Variants in DISP1 observed in about 807,000 individuals in gnomAD.
The protein encoded by DISP1 is dispatched RND transporter family member 1, also known as protein dispatched homolog 1.
Under a neutral mutation model 37.3 loss-of-function variants are expected in DISP1, and 30 were observed. That is an observed-to-expected ratio of 0.80 (90% CI 0.60 to 1.09). DISP1 has a LOEUF of 1.09. DISP1 is among the 50% of genes least tolerant of loss of function. The pLI is 0.00. For synonymous variants in DISP1, 634 were observed against 690.2 expected, an observed-to-expected ratio of 0.92 and a Z score of 1.28; for missense variants, 1,598 against 1,879.5, an observed-to-expected ratio of 0.85 and a Z score of 2.77.
intron 3 of DISP1, among the ~76,000 whole-genome samples, chr1:222,944,864 C>T (rs1674650449): frequency 6.6e-6 from 1 of 152,208 alleles, no homozygotes; most frequent in Non-Finnish European, 1.5e-5. Context: ...GTAACAAATT[C>T]ACTTCTGATT....
intron 3 of DISP1, among the ~76,000 whole-genome samples, chr1:222,949,486 C>A (rs571289322): frequency 2.0e-5 from 3 of 151,816 alleles, no homozygotes; most frequent in Non-Finnish European, 4.4e-5. Context: ...TAGCTTAAAT[C>A]GATTTTATTT....
intron 3 of DISP1, among the ~76,000 whole-genome samples, chr1:222,957,310 C>T (rs978980817): frequency 3.3e-5 from 5 of 152,226 alleles, no homozygotes; most frequent in East Asian, 1.9e-4. Context: ...TTTCCCAGGC[C>T]GGGCACAGTG....
chr1:222,866,118 G>C (rs1669173820), intron 1 of DISP1, among the ~76,000 whole-genome samples: 1 of 152,056 alleles, frequency 6.6e-6, no homozygotes, highest in African/African-American at 2.4e-5. Flanking sequence ...AAAAAAAAAT[G>C]AATGTTGGAG....
intron 1 of DISP1, among the ~76,000 whole-genome samples, chr1:222,844,401 G>A (rs947355587): frequency 6.6e-6 from 1 of 152,066 alleles, no homozygotes; most frequent in Non-Finnish European, 1.5e-5. Flanking sequence ...TTGATTGTAC[G>A]CTTAAGTATT....
At chr1:222,843,777 A>G (rs35264472) in intron 1 of DISP1, among the ~76,000 whole-genome samples, 1 of 152,076 alleles carries the variant, frequency 6.6e-6, no homozygotes, top group Non-Finnish European at 1.5e-5. Context: ...TGGAAGAGAA[A>G]GATGAAATTG....
chr1:222,848,851 T>C (rs1467798014), intron 1 of DISP1, among the ~76,000 whole-genome samples: 1 of 152,190 alleles, frequency 6.6e-6, no homozygotes, highest in African/African-American at 2.4e-5. Context: ...ACACATTCAC[T>C]GAGGCATTTT....
intron 1 of DISP1, among the ~76,000 whole-genome samples, chr1:222,883,176 A>AGT (rs1670374675): frequency 6.6e-6 from 1 of 152,210 alleles, no homozygotes; most frequent in Non-Finnish European, 1.5e-5. Flanking sequence ...GTATCATAAA[A>AGT]GTGTTCATAC....
intron 3 of DISP1, among the ~76,000 whole-genome samples, chr1:222,951,738 A>G (rs1374102409): frequency 6.6e-6 from 1 of 152,210 alleles, no homozygotes; most frequent in East Asian, 1.9e-4. Context: ...TGCTGGAGAC[A>G]GGTGGAAACT....
chr1:222,994,799 T>G, intron 7 of DISP1, 86 bp from the exon 8 acceptor site: 1 of 995,950 alleles, frequency 1.0e-6, no homozygotes, highest in Non-Finnish European at 1.6e-6. Context: ...GTTTCCCAGT[T>G]TGAATTATTT....
chr1:222,846,413 C>A (rs1361713640), intron 1 of DISP1, among the ~76,000 whole-genome samples: 1 of 152,118 alleles, frequency 6.6e-6, no homozygotes, highest in African/African-American at 2.4e-5. Context: ...ATCGCTTGAA[C>A]CCGGGAGGCA....
intron 1 of DISP1, among the ~76,000 whole-genome samples, chr1:222,915,304 C>A (rs1342305886): frequency 6.6e-6 from 1 of 152,188 alleles, no homozygotes; most frequent in Non-Finnish European, 1.5e-5. Flanking sequence ...ACGCTTGATG[C>A]TGGATTTGAC....
At chr1:222,819,706 A>G (rs1365567278) in intron 1 of DISP1, among the ~76,000 whole-genome samples, 4 of 151,658 alleles carry the variant, frequency 2.6e-5, no homozygotes, top group Admixed American at 2.0e-4. Flanking sequence ...ATGCCTGACT[A>G]ATTTTTGTGT....
chr1:223,002,398 C>T lies in DISP1; in HGVS notation c.1001C>T (p.Pro334Leu). 2 of 1,613,958 alleles carry T rather than the reference C, an allele frequency of 1.2e-6. No individual in the cohort carries two copies. The highest frequency in any genetic ancestry group is 1.7e-6 in the Non-Finnish European group (2 of 1,179,952). ...NVDNSRIRSH[P>L]QFGDLCQRTT... is the part of the protein sequence containing the mutation. ...CTATCTCTGCAGATCAGATCTCATCCCCAGTTTGGTGATCTCTGCCAGAGG... is the reference window on the plus strand; with the variant it reads ...CTATCTCTGCAGATCAGATCTCATCTCCAGTTTGGTGATCTCTGCCAGAGG... Residue 334 changes from proline (P) to leucine (L), a missense_variant, in exon 9 of 9, where the codon CCC becomes CTC. Coordinates refer to ENST00000675850, the MANE Select transcript of DISP1 (RefSeq NM_001377229.1).
At chr1:222,866,778 C>A (rs1386062290) in intron 1 of DISP1, among the ~76,000 whole-genome samples, 1 of 152,176 alleles carries the variant, frequency 6.6e-6, no homozygotes, top group African/African-American at 2.4e-5. Flanking sequence ...ATTGCCACTC[C>A]TTTCCTATAC....
chr1:222,966,515 T>A (rs755804946), intron 3 of DISP1, among the ~76,000 whole-genome samples: 1 of 152,224 alleles, frequency 6.6e-6, no homozygotes, highest in Non-Finnish European at 1.5e-5. Flanking sequence ...TTTTTATGTA[T>A]TTTCATAAAG....
At position 223,005,198 on chromosome 1, in the gene DISP1, G is replaced by T. The variant is rs758619213; in HGVS notation, c.3801G>T (p.Leu1267=). Residue 1267 remains leucine (L), a synonymous_variant, in exon 9 of 9, where the codon CTG becomes CTT. Coordinates refer to ENST00000675850, the MANE Select transcript of DISP1 (RefSeq NM_001377229.1). ...EQHTVCHFFS[L]NQRCSCPDAY... ...ATACCGTGTGTCACTTCTTCTCTCT[G>T]AATCAGAGATGTAGCTGCCCAGATG... 1.2e-5 allele frequency: 19 copies of T among 1,614,016 alleles called. No homozygotes were observed. The East Asian group carries it at 4.2e-4, about 36-fold the overall frequency.
At chr1:222,878,798 G>A (rs968489169) in intron 1 of DISP1, among the ~76,000 whole-genome samples, 4 of 152,220 alleles carry the variant, frequency 2.6e-5, no homozygotes, top group African/African-American at 9.6e-5. Flanking sequence ...TTTGAGAGCA[G>A]CACCTTCAAA....
chr1:222,955,595 T>C (rs1675537151), intron 3 of DISP1, among the ~76,000 whole-genome samples: 1 of 151,712 alleles, frequency 6.6e-6, no homozygotes, highest in Admixed American at 6.6e-5. Flanking sequence ...TCACTTTCAG[T>C]ACCGTATTTA....
chr1:222,909,926 T>G (rs1267046904), intron 1 of DISP1, among the ~76,000 whole-genome samples: 1 of 152,158 alleles, frequency 6.6e-6, no homozygotes, highest in African/African-American at 2.4e-5. Flanking sequence ...AAACGTTAGC[T>G]GCCAGCTCTG....
Sources: gnomAD v4.1 joint callset for allele counts (sites outside exome capture counted in the v4.1 genomes callset) on GRCh38, gnomAD v4.1.1 for gene constraint, MANE v1.5 for transcripts, NCBI Gene and HGNC (gene_info 2026-07-23, HGNC 2026-07-21) for gene names.